The following SLA variants were observed in gnomAD, a reference collection of about 807,000 sequenced individuals.
SLA encodes src-like-adapter.
Under a neutral mutation model 30.3 loss-of-function variants are expected in SLA, and 16 were observed. The observed-to-expected ratio is 0.53, with a 90% CI of 0.36 to 0.80. The LOEUF (loss-of-function observed/expected upper bound fraction) is 0.80. Among genes scored for constraint, SLA ranks in the 30% least tolerant of loss-of-function variants. SLA has a pLI of 0.01. For missense variants in SLA, 310 were observed against 345.2 expected (o/e 0.90, Z 0.81); for synonymous variants, 143 against 137.8 (o/e 1.04, Z -0.26).
intron 1 of SLA, among the ~76,000 whole-genome samples, chr8:133,079,063 T>A (rs1845344296): frequency 6.6e-6 from 1 of 152,102 alleles, no homozygotes; most frequent in African/African-American, 2.4e-5. Context: ...AGCAGCTTGG[T>A]CTTCTAGGTC....
chr8:133,089,300 A>G (rs1346017291), intron 1 of SLA, among the ~76,000 whole-genome samples: 3 of 152,176 alleles, frequency 2.0e-5, no homozygotes, highest in Non-Finnish European at 4.4e-5. Context: ...TAGAGGAATA[A>G]CTACCTCCCA....
At chr8:133,076,592 A>C (rs1373301423) in intron 1 of SLA, 1 of 152,186 alleles carries the variant, frequency 6.6e-6, no homozygotes, top group Non-Finnish European at 1.5e-5. Flanking sequence ...ACAGAGGAGT[A>C]AAAGAGCTTT....
chr8:133,095,260 T>G (rs1848230554), intron 1 of SLA: 2 of 1,613,404 alleles, frequency 1.2e-6, no homozygotes, highest in Admixed American at 1.7e-5. Context: ...CTTTTACAAA[T>G]AGAAAATGAA....
intron 1 of SLA, among the ~76,000 whole-genome samples, chr8:133,086,558 AACTATACCTTTTG>A (rs886478808): frequency 1.1e-4 from 17 of 152,346 alleles, no homozygotes; most frequent in Non-Finnish European, 2.4e-4. Flanking sequence ...GATGAAAAAA[AACTATACCTTTTG>A]ACTCAGTAAT....
chr8:133,065,743 CAA>C (rs1463710328), intron 2 of SLA, among the ~76,000 whole-genome samples: 2 of 151,706 alleles, frequency 1.3e-5, no homozygotes, highest in African/African-American at 2.4e-5. Context: ...GCCTGGGAAA[CAA>C]GAGTGAAACT....
At chr8:133,049,002 G>C (rs757279902) in intron 5 of SLA, 5 of 349,016 alleles carry the variant, frequency 1.4e-5, no homozygotes, top group Admixed American at 7.4e-5. Flanking sequence ...CATTTCCAAT[G>C]TGCTTTGCAT....
intron 7 of SLA, 157 bp from the exon 8 acceptor site, chr8:133,040,287 G>C: frequency 1.3e-6 from 1 of 746,122 alleles, no homozygotes; most frequent in South Asian, 1.8e-5. Flanking sequence ...TGACAATGCT[G>C]AAAGTCACGC....
In SLA at chr8:133,049,948, G is replaced by T. The variant is rs1334627419; in HGVS notation, c.202C>A (p.Arg68=). 3 of 1,613,446 alleles carry T rather than the reference G, an allele frequency of 1.9e-6. No individual in the cohort carries two copies. Among genetic ancestry groups the T allele is most frequent in the Non-Finnish European group, 2.5e-6 (3 of 1,179,548 alleles). ...WWKAISLSTG[R]ESYIPGICVA... is the part of the protein sequence containing the mutation. The stretch of plus-strand genomic sequence containing the variant: ...CATATTCCAGGGATGTAACTCTCTC[G>T]ACCAGTGCTAAGAGAAATAGCTTTC... The change falls in exon 5 of 9, where the codon CGA becomes AGA. Residue 68 remains arginine, a synonymous_variant. Coordinates refer to ENST00000338087, the MANE Select transcript of SLA (RefSeq NM_001045556.3).
Position 133,050,890 on chromosome 8 carries a change from C to T in SLA, c.87G>A (p.Val29=). The T allele has an allele frequency of 1.9e-6, 3 of 1,613,512 alleles. No homozygotes were observed. Among genetic ancestry groups the T allele is most frequent in the South Asian group, 1.1e-5 (1 of 91,046 alleles). ...TGTCAGGAGACGGGTAGTCACTTAGCACGGCAAGGAAGTCGCTATCCAGTC... is the reference window on the plus strand; with the variant it reads ...TGTCAGGAGACGGGTAGTCACTTAGTACGGCAAGGAAGTCGCTATCCAGTC... ...PEGLDSDFLA[V]LSDYPSPDIS... is the part of the protein sequence containing the mutation. The change falls in exon 4 of 9, where the codon GTG becomes GTA. Residue 29 remains valine (V), a synonymous_variant. Coordinates refer to ENST00000338087, the MANE Select transcript of SLA (RefSeq NM_001045556.3).
intron 1 of SLA, among the ~76,000 whole-genome samples, chr8:133,077,854 C>G (rs781425669): frequency 2.6e-5 from 4 of 151,908 alleles, no homozygotes; most frequent in Admixed American, 6.6e-5. Context: ...ACCCCCTAGA[C>G]AGCAGGAGCC....
chr8:133,066,623 G>T (rs1843076958), intron 2 of SLA, among the ~76,000 whole-genome samples: 1 of 152,206 alleles, frequency 6.6e-6, no homozygotes, highest in African/African-American at 2.4e-5. Context: ...AAGAATGAGG[G>T]CGCCTTAAAG....
In SLA at chr8:133,045,122, G is replaced by C; in HGVS notation, c.353-7C>G. On this transcript the variant is annotated splice_region_variant and splice_polypyrimidine_tract_variant and intron_variant, in intron 6 of 8. Coordinates refer to ENST00000338087, the MANE Select transcript of SLA (RefSeq NM_001045556.3). ...ACCGACAGTGAGTAAAACCCTGCAG[G>C]AGGTGGAGGATAAGTCAGTGGGCTC... 1 of 1,614,062 alleles carries C rather than the reference G, an allele frequency of 6.2e-7. No homozygotes were observed.
chr8:133,081,762 G>C (rs1413554360), intron 1 of SLA, among the ~76,000 whole-genome samples: 2 of 152,180 alleles, frequency 1.3e-5, no homozygotes, highest in African/African-American at 4.8e-5. Flanking sequence ...GAAGAGGTCA[G>C]CAGTGTTCCC....
chr8:133,088,897 T>C (rs1847038411), intron 1 of SLA, among the ~76,000 whole-genome samples: 1 of 150,756 alleles, frequency 6.6e-6, no homozygotes, highest in African/African-American at 2.5e-5. Flanking sequence ...AAGATGATTT[T>C]AGTGTAGAAA....
chr8:133,089,012 T>A (rs1847064465), intron 1 of SLA, among the ~76,000 whole-genome samples: 1 of 152,248 alleles, frequency 6.6e-6, no homozygotes, highest in Non-Finnish European at 1.5e-5. Context: ...CTCAATAGCA[T>A]GCCACAATTC....
At chr8:133,075,562 G>C (rs1464071344) in intron 1 of SLA, among the ~76,000 whole-genome samples, 1 of 152,192 alleles carries the variant, frequency 6.6e-6, no homozygotes, top group Non-Finnish European at 1.5e-5. Flanking sequence ...ATAATAGTGT[G>C]GTTATGCGGG....
intron 3 of SLA, among the ~76,000 whole-genome samples, chr8:133,052,000 T>C (rs986823431): frequency 6.6e-6 from 1 of 152,182 alleles, no homozygotes; most frequent in African/African-American, 2.4e-5. Flanking sequence ...TTCTACAGGA[T>C]ACATAAATAG....
chr8:133,056,482 A>T (rs923696083), intron 3 of SLA, among the ~76,000 whole-genome samples: 2 of 152,180 alleles, frequency 1.3e-5, no homozygotes, highest in African/African-American at 4.8e-5. Flanking sequence ...CTTCCAGAGC[A>T]TGGGGGCTTC....
intron 1 of SLA, among the ~76,000 whole-genome samples, chr8:133,078,962 T>G (rs57119540): frequency 0.47 from 70,965 of 151,844 alleles, 17,024 homozygotes; most frequent in African/African-American, 0.55. Flanking sequence ...AGGGGGCCAG[T>G]AGAGGAGACC....
Sources: allele counts gnomAD v4.1 joint callset (sites outside exome capture counted in the v4.1 genomes callset), GRCh38; gene constraint gnomAD v4.1.1; transcripts MANE v1.5; gene names NCBI Gene and HGNC (gene_info 2026-07-23, HGNC 2026-07-21).